Variants in FBXO16 observed in about 807,000 individuals in gnomAD.
FBXO16 encodes the protein F-box protein 16.
A neutral mutation model predicts 41.0 loss-of-function variants in FBXO16; 31 were observed. The ratio of observed to expected loss-of-function variants is 0.76; its 90% CI spans 0.57 to 1.02. The LOEUF is 1.02. Ranked by LOEUF, FBXO16 falls within the 50% of genes least tolerant of loss-of-function variation. FBXO16 has a pLI of 0.00. For missense variants in FBXO16, 361 were observed against 346.2 expected (o/e 1.04, Z -0.34); for synonymous variants, 133 against 117.8 (o/e 1.13, Z -0.84).
chr8:28,431,647 G>A (rs529142203), intron 7 of FBXO16, among the ~76,000 whole-genome samples: 4 of 152,190 alleles, frequency 2.6e-5, no homozygotes, highest in South Asian at 2.1e-4. Context: ...GCATCTTAGC[G>A]GGCTAACTGA....
intron 4 of FBXO16, among the ~76,000 whole-genome samples, chr8:28,461,444 T>C (rs1803132718): frequency 6.6e-6 from 1 of 152,242 alleles, no homozygotes; most frequent in Non-Finnish European, 1.5e-5. Context: ...TCAAGAAAGA[T>C]GGCATGCCAT....
intron 1 of FBXO16, among the ~76,000 whole-genome samples, chr8:28,487,720 A>G (rs933339295): frequency 1.3e-5 from 2 of 151,932 alleles, no homozygotes; most frequent in Non-Finnish European, 2.9e-5. Context: ...TAACACATAC[A>G]AAACATAATT....
chr8:28,450,859 T>C (rs1470185106), intron 6 of FBXO16, among the ~76,000 whole-genome samples: 1 of 152,108 alleles, frequency 6.6e-6, no homozygotes, highest in Non-Finnish European at 1.5e-5. Context: ...AGAGGATCAC[T>C]TGAGTCTGAT....
chr8:28,453,751 T>G (rs939458411), intron 5 of FBXO16, among the ~76,000 whole-genome samples: 1 of 151,972 alleles, frequency 6.6e-6, no homozygotes, highest in Non-Finnish European at 1.5e-5. Context: ...TAACGCTTAG[T>G]ACTCAGTGTT....
chr8:28,446,933 A>G lies in FBXO16; in HGVS notation c.843+238T>C, dbSNP rs533665150. 2.4e-5 allele frequency: 9 copies of G among 375,112 alleles called. No individual in the cohort carries two copies. The East Asian group carries it at 3.3e-4, about 14-fold the overall frequency. 23.2% of individuals were successfully genotyped at this position (375,112 alleles called of 1,614,324 possible). A position where few individuals can be genotyped will look rare whatever the true frequency, so the allele number is the denominator to read the frequency against. Reference sequence around the variant, plus strand: ...CAGTTTTCAAAGCAATTTCATACACATCAGTTCATCCAGTCTTTTTCTTTT... The same window carrying G: ...CAGTTTTCAAAGCAATTTCATACACGTCAGTTCATCCAGTCTTTTTCTTTT... On this transcript the variant is annotated intron_variant, in intron 7 of 8. Transcript: ENST00000380254.
chr8:28,443,701 G>A (rs761278007), intron 7 of FBXO16, among the ~76,000 whole-genome samples: 10 of 152,104 alleles, frequency 6.6e-5, no homozygotes, highest in Non-Finnish European at 1.3e-4. Context: ...TAAGTCACAG[G>A]ATGAGATAGG....
rs1174276709 is a variant in FBXO16 at position 28,460,423 on chromosome 8, A to ATTTTTTTTTTTTT, written c.342+3176_342+3188dup. Among the ~76,000 whole-genome samples the ATTTTTTTTTTTTT allele has an allele frequency of 1.8e-3, 152 of 82,490 alleles. 29 individuals are homozygous for ATTTTTTTTTTTTT. Among genetic ancestry groups the ATTTTTTTTTTTTT allele is most frequent in the African/African-American group, 8.6e-3 (136 of 15,902 alleles). The allele number at this position is 82,490 out of a possible 152,430, so 54.1% of individuals were successfully genotyped here. ...TAGGCACATGCGCTATACCTGGCTA[A>ATTTTTTTTTTTTT]TTTTTTTTTTTTTTTTTTTTTTGAG... On this transcript the variant is annotated intron_variant, in intron 4 of 8. Coordinates refer to ENST00000380254, the MANE Select transcript of FBXO16 (RefSeq NM_172366.4).
At chr8:28,488,801 AC>A (rs1803643112) in intron 1 of FBXO16, among the ~76,000 whole-genome samples, 1 of 152,042 alleles carries the variant, frequency 6.6e-6, no homozygotes, top group African/African-American at 2.4e-5. Context: ...CAGGATCCAG[AC>A]TTCCTCGCGT....
At chr8:28,471,409 C>CCCTTCCTTCCTT (rs541211337) in intron 3 of FBXO16, among the ~76,000 whole-genome samples, 1 of 151,320 alleles carries the variant, frequency 6.6e-6, no homozygotes, top group African/African-American at 2.4e-5. Context: ...TCCTTATTTC[C>CCCTTCCTTCCTT]CCTTCCTTCC....
chr8:28,462,426 C>T (rs1012289710), intron 4 of FBXO16, among the ~76,000 whole-genome samples: 11 of 151,862 alleles, frequency 7.2e-5, no homozygotes, highest in African/African-American at 2.4e-4. Flanking sequence ...CTACAGGCGC[C>T]CGCCACCACG....
At chr8:28,455,871 A>C (rs563326664) in intron 5 of FBXO16, 1 of 152,358 alleles carries the variant, frequency 6.6e-6, no homozygotes, top group South Asian at 2.1e-4. Context: ...AATCTATTTC[A>C]AGAAAACACA....
chr8:28,465,479 G>C (rs1213634243), intron 3 of FBXO16: 2 of 440,224 alleles, frequency 4.5e-6, no homozygotes, highest in African/African-American at 4.1e-5. Context: ...GCTGGGTATG[G>C]TGGTGTACGC....
intron 3 of FBXO16, among the ~76,000 whole-genome samples, chr8:28,469,627 G>C (rs950550484): frequency 1.3e-5 from 2 of 152,202 alleles, no homozygotes; most frequent in African/African-American, 2.4e-5. Context: ...AAAATGGCTG[G>C]GAGTGGTGGC....
At chr8:28,484,840 C>T (rs189525915) in intron 1 of FBXO16, among the ~76,000 whole-genome samples, 2 of 152,048 alleles carry the variant, frequency 1.3e-5, no homozygotes, top group Non-Finnish European at 2.9e-5. Flanking sequence ...TGATCCACCC[C>T]CCCTGGGCCT....
At chr8:28,487,422 T>C (rs556108418) in intron 1 of FBXO16, among the ~76,000 whole-genome samples, 8 of 145,512 alleles carry the variant, frequency 5.5e-5, no homozygotes, top group Non-Finnish European at 1.1e-4. Flanking sequence ...TGAGATGAAG[T>C]CTCACTCTTT....
intron 5 of FBXO16, among the ~76,000 whole-genome samples, chr8:28,456,321 T>G (rs1465751755): frequency 6.6e-6 from 1 of 152,196 alleles, no homozygotes; most frequent in East Asian, 1.9e-4. Context: ...GATGACTCAT[T>G]TATTAGAAAA....
At chr8:28,447,581 G>T in intron 6 of FBXO16, 1 of 267,010 alleles carries the variant, frequency 3.7e-6, no homozygotes, top group East Asian at 7.8e-5. Context: ...ACTGGGTGCT[G>T]CCATTCCTTT....
At chr8:28,489,240 G>T (rs550804133) in intron 1 of FBXO16, among the ~76,000 whole-genome samples, 2 of 152,178 alleles carry the variant, frequency 1.3e-5, no homozygotes, top group African/African-American at 4.8e-5. Flanking sequence ...TACTTGGGAG[G>T]CTGAGGTGGG....
At chr8:28,434,728 G>A (rs1460855925) in intron 7 of FBXO16, among the ~76,000 whole-genome samples, 2 of 152,246 alleles carry the variant, frequency 1.3e-5, no homozygotes, top group Non-Finnish European at 2.9e-5. Flanking sequence ...CAGCAGGGGT[G>A]CCCTGTCTAC....
Sources: gnomAD v4.1 joint callset for allele counts (sites outside exome capture counted in the v4.1 genomes callset) on GRCh38, gnomAD v4.1.1 for gene constraint, MANE v1.5 for transcripts, NCBI Gene and HGNC (gene_info 2026-07-23, HGNC 2026-07-21) for gene names.